The following MAF variants were observed in gnomAD, a reference collection of about 807,000 sequenced individuals.
The protein encoded by MAF is MAF bZIP transcription factor.
A neutral mutation model predicts 22.0 loss-of-function variants in MAF; 10 were observed. The ratio of observed to expected loss-of-function variants is 0.45; its 90% CI spans 0.28 to 0.77. The LOEUF is 0.77. Among genes scored for constraint, MAF ranks in the 30% least tolerant of loss-of-function variants. MAF has a pLI of 0.12. For missense variants in MAF, 544 were observed against 548.4 expected, an observed-to-expected ratio of 0.99 and a Z score of 0.08; for synonymous variants, 337 against 255.8, an observed-to-expected ratio of 1.32 and a Z score of -3.03.
the MAF span, among the ~76,000 whole-genome samples, chr16:79,526,030 C>T: frequency 1.2e-4 from 19 of 152,164 alleles, no homozygotes; most frequent in Admixed American, 5.9e-4. Context: ...TCTTAATTTA[C>T]GAGTAAGAAT....
At chr16:79,342,007 T>G in the MAF span, among the ~76,000 whole-genome samples, 1 of 152,234 alleles carries the variant, frequency 6.6e-6, no homozygotes, top group Non-Finnish European at 1.5e-5. Context: ...AATTTATGAT[T>G]GCCTTTGATT....
At chr16:79,573,713 G>A in the MAF span, among the ~76,000 whole-genome samples, 10,739 of 152,146 alleles carry the variant, frequency 0.071, 537 homozygotes, top group Middle Eastern at 0.16. Context: ...AAAAAAAGAC[G>A]AACTTTCTAA....
the MAF span, among the ~76,000 whole-genome samples, chr16:79,229,718 T>C: frequency 6.6e-6 from 1 of 151,852 alleles, no homozygotes; most frequent in African/African-American, 2.4e-5. Context: ...TCTAGAGGAG[T>C]GCACCGAGCA....
the MAF span, among the ~76,000 whole-genome samples, chr16:79,557,778 G>C: frequency 6.6e-6 from 1 of 151,990 alleles, no homozygotes; most frequent in African/African-American, 2.4e-5. Context: ...TGTATGCTGA[G>C]TGCTCTCTGA....
At chr16:79,491,657 A>G in the MAF span, among the ~76,000 whole-genome samples, 1 of 152,184 alleles carries the variant, frequency 6.6e-6, no homozygotes, top group Non-Finnish European at 1.5e-5. Flanking sequence ...CATGTAACAA[A>G]ATAAAAAATA....
chr16:79,214,513 C>T, the MAF span, among the ~76,000 whole-genome samples: 1 of 152,122 alleles, frequency 6.6e-6, no homozygotes, highest in South Asian at 2.1e-4. Context: ...TCACGCGATT[C>T]TCCTGCCTCA....
chr16:79,233,436 T>C, the MAF span, among the ~76,000 whole-genome samples: 71 of 152,116 alleles, frequency 4.7e-4, 1 homozygote, highest in Admixed American at 6.6e-4. Flanking sequence ...AGAGGTTCCA[T>C]TGTGGAGATT....
At chr16:79,384,703 G>C in the MAF span, among the ~76,000 whole-genome samples, 96 of 152,246 alleles carry the variant, frequency 6.3e-4, no homozygotes, top group African/African-American at 2.2e-3. Flanking sequence ...GTTGCAGTGA[G>C]CCAAGACCAC....
chr16:79,494,577 C>T, the MAF span, among the ~76,000 whole-genome samples: 1 of 152,174 alleles, frequency 6.6e-6, no homozygotes, highest in African/African-American at 2.4e-5. Context: ...AGGTCTATAA[C>T]CTCAATCACA....
chr16:79,454,946 A>T, the MAF span, among the ~76,000 whole-genome samples: 1 of 151,986 alleles, frequency 6.6e-6, no homozygotes, highest in African/African-American at 2.4e-5. Flanking sequence ...AAAATACAAA[A>T]TAAGCCATGC....
At chr16:79,295,237 G>A in the MAF span, among the ~76,000 whole-genome samples, 1 of 152,100 alleles carries the variant, frequency 6.6e-6, no homozygotes, top group Admixed American at 6.5e-5. Context: ...CACACCAGGG[G>A]AATGATAAAA....
the MAF span, among the ~76,000 whole-genome samples, chr16:79,558,120 T>TCTCA: frequency 2.0e-5 from 3 of 152,160 alleles, no homozygotes; most frequent in Admixed American, 6.5e-5. Flanking sequence ...AGCTGAAGTA[T>TCTCA]CTCACAATTG....
the MAF span, among the ~76,000 whole-genome samples, chr16:79,446,559 T>C: frequency 6.6e-6 from 1 of 152,180 alleles, no homozygotes; most frequent in Non-Finnish European, 1.5e-5. Flanking sequence ...TTACAAAAGC[T>C]AAAGCCCCAT....
At chr16:79,455,327 C>G in the MAF span, among the ~76,000 whole-genome samples, 1 of 151,968 alleles carries the variant, frequency 6.6e-6, no homozygotes, top group Non-Finnish European at 1.5e-5. Flanking sequence ...AATAAATGGC[C>G]CTTTAAAAAC....
At chr16:79,287,086 C>G in the MAF span, among the ~76,000 whole-genome samples, 2 of 151,126 alleles carry the variant, frequency 1.3e-5, no homozygotes, top group Non-Finnish European at 2.9e-5. Context: ...ATTCCAGAAT[C>G]AGCTTTGTTG....
At chr16:79,587,134 G>A (rs112001276) in intron 1 of MAF, among the ~76,000 whole-genome samples, 12 of 152,212 alleles carry the variant, frequency 7.9e-5, no homozygotes, top group African/African-American at 2.6e-4. Context: ...CACAGCACTC[G>A]GATAAATCAT....
chr16:79,501,674 G>A, the MAF span, among the ~76,000 whole-genome samples: 3 of 152,118 alleles, frequency 2.0e-5, no homozygotes, highest in African/African-American at 4.8e-5. Context: ...AACAACTGAA[G>A]TTATTTCCAC....
chr16:79,341,717 G>A, the MAF span, among the ~76,000 whole-genome samples: 1 of 152,186 alleles, frequency 6.6e-6, no homozygotes, highest in Admixed American at 6.5e-5. Context: ...GGTGCACAGA[G>A]TGGATTGCAA....
the MAF span, among the ~76,000 whole-genome samples, chr16:79,462,404 T>A: frequency 6.6e-6 from 1 of 152,184 alleles, no homozygotes; most frequent in Non-Finnish European, 1.5e-5. Flanking sequence ...CTCCTCAATA[T>A]GAATGACTAC....
Sources: gnomAD v4.1 joint callset for allele counts (sites outside exome capture counted in the v4.1 genomes callset) on GRCh38, gnomAD v4.1.1 for gene constraint, MANE v1.5 for transcripts, NCBI Gene and HGNC (gene_info 2026-07-23, HGNC 2026-07-21) for gene names.